CSNK2A2: variants seen among roughly 807,000 people sequenced by gnomAD.
CSNK2A2 encodes casein kinase II subunit alpha'.
A neutral mutation model predicts 54.0 loss-of-function variants in CSNK2A2; 8 were observed. That is an observed-to-expected ratio of 0.15 (90% CI 0.09 to 0.27). The LOEUF (loss-of-function observed/expected upper bound fraction) is 0.27, where lower values mean the gene tolerates loss of function less well. Ranked by LOEUF, CSNK2A2 falls within the 10% of genes least tolerant of loss-of-function variation. The probability of loss-of-function intolerance (pLI) is 1.00; values close to 1 mark genes in which losing one functional copy is unlikely to be tolerated. For missense variants in CSNK2A2, 242 were observed against 439.4 expected (o/e 0.55, Z 4.02); for synonymous variants, 141 against 153.9 (o/e 0.92, Z 0.62).
At chr16:58,175,041 A>C (rs1260902243) in intron 4 of CSNK2A2, among the ~76,000 whole-genome samples, 1 of 152,218 alleles carries the variant, frequency 6.6e-6, no homozygotes, top group Non-Finnish European at 1.5e-5. Context: ...GCAAGAGCTT[A>C]CAAAAAAATC....
chr16:58,167,153 T>C, intron 8 of CSNK2A2, 54 bp downstream of exon 8: 3 of 1,246,010 alleles, frequency 2.4e-6, no homozygotes, highest in Admixed American at 1.9e-5. Context: ...CTAAGGATGC[T>C]ATTTTTTTGG....
chr16:58,167,572 G>A (rs1164768037), intron 7 of CSNK2A2, 113 bp downstream of exon 7: 2 of 804,736 alleles, frequency 2.5e-6, no homozygotes, highest in African/African-American at 3.5e-5. Context: ...CAGCATTTTA[G>A]GGTGAAATAA....
chr16:58,188,606 T>C (rs947251521), intron 2 of CSNK2A2, among the ~76,000 whole-genome samples: 3 of 152,214 alleles, frequency 2.0e-5, no homozygotes, highest in African/African-American at 7.2e-5. Flanking sequence ...CTGGCAAATG[T>C]GAATGAGAGC....
chr16:58,192,158 G>C (rs1479087858), intron 2 of CSNK2A2, among the ~76,000 whole-genome samples: 1 of 152,080 alleles, frequency 6.6e-6, no homozygotes, highest in Non-Finnish European at 1.5e-5. Flanking sequence ...CAGTCAAGTG[G>C]GTATCAATGA....
intron 5 of CSNK2A2, 60 bp from the exon 6 acceptor site, chr16:58,168,753 G>A: frequency 6.9e-6 from 9 of 1,300,492 alleles, no homozygotes; most frequent in African/African-American, 1.5e-5. Context: ...CCCAACGCAA[G>A]CATAGTCTTA....
At chr16:58,196,934 G>A (rs1962469764) in intron 1 of CSNK2A2, 90 bp from the exon 2 acceptor site, 3 of 824,774 alleles carry the variant, frequency 3.6e-6, no homozygotes, top group Non-Finnish European at 2.2e-6. Flanking sequence ...GCTTCCACCA[G>A]GCAAACACTT....
In CSNK2A2 at chr16:58,184,122, T is replaced by C. The variant is rs1962133756; in HGVS notation, c.369+138A>G. ...AGCCACTTTCTGCATCCTGCACTCA[T>C]GCCTTAAGGAACCCAATTTGTTATT... On this transcript the variant is annotated intron_variant, in intron 4 of 11. Transcript: ENST00000262506. The C allele has an allele frequency of 2.0e-5, 13 of 637,296 alleles. 1 individual carries two copies. The South Asian group carries it at 2.6e-4, about 13-fold the overall frequency. The allele number at this position is 637,296 out of a possible 1,614,324, so 39.5% of individuals were successfully genotyped here.
chr16:58,175,842 G>A (rs1027303759), intron 4 of CSNK2A2, among the ~76,000 whole-genome samples: 5 of 152,176 alleles, frequency 3.3e-5, no homozygotes, highest in African/African-American at 7.2e-5. Context: ...CGCAGGGAAC[G>A]AAATGCACAG....
chr16:58,186,359 TATTC>T lies in CSNK2A2; in HGVS notation c.318+392_318+395del, dbSNP rs1368370685. 3.9e-5 allele frequency among the ~76,000 whole-genome samples: 6 copies of T among 152,256 alleles called. No homozygotes were observed. In the East Asian group the frequency reaches 1.2e-3, roughly 29 times the overall value. ...TTTATGCCAGGTGTCCACGTGGAGA[TATTC>T]ATTCTTTCCTTGTGTAAACCCAGAT... On this transcript the variant is annotated intron_variant, in intron 3 of 11. Coordinates refer to ENST00000262506, the MANE Select transcript of CSNK2A2 (RefSeq NM_001896.4).
At chr16:58,168,544 T>C in intron 6 of CSNK2A2, 66 bp downstream of exon 6, 1 of 1,379,102 alleles carries the variant, frequency 7.3e-7, no homozygotes, top group South Asian at 1.2e-5. Context: ...ATCATGGCAC[T>C]GGACAGCTTT....
chr16:58,162,170 CTGA>C (rs1961400373), intron 11 of CSNK2A2: 1 of 152,204 alleles, frequency 6.6e-6, no homozygotes, highest in South Asian at 2.1e-4. Context: ...GCACATCTCC[CTGA>C]TGATAACCAA....
intron 5 of CSNK2A2, among the ~76,000 whole-genome samples, chr16:58,170,405 T>C (rs1961701845): frequency 6.6e-6 from 1 of 152,120 alleles, no homozygotes; most frequent in African/African-American, 2.4e-5. Flanking sequence ...TTCATCCAAG[T>C]TGTTTTTCCT....
At chr16:58,193,282 T>C (rs1962359551) in intron 2 of CSNK2A2, among the ~76,000 whole-genome samples, 1 of 152,244 alleles carries the variant, frequency 6.6e-6, no homozygotes, top group South Asian at 2.1e-4. Context: ...ATGAAGCTAC[T>C]AACAAAGATG....
chr16:58,169,277 T>C (rs1597111672), intron 5 of CSNK2A2, among the ~76,000 whole-genome samples: 4 of 151,442 alleles, frequency 2.6e-5, no homozygotes, highest in East Asian at 2.0e-4. Flanking sequence ...CAGTGACTCA[T>C]GCCTGTAATC....
intron 2 of CSNK2A2, among the ~76,000 whole-genome samples, chr16:58,191,781 C>T (rs1180269769): frequency 6.6e-6 from 1 of 152,188 alleles, no homozygotes; most frequent in African/African-American, 2.4e-5. Flanking sequence ...TCTAACATCA[C>T]TCGCATGACC....
rs532077114 is a variant in CSNK2A2 at position 58,167,666 on chromosome 16, G to A, written c.624+19C>T. ...AAGCAAGTATAAATAACCCAGAATA[G>A]CTCTGCTAACAAGTTTACCTGATAG... On this transcript the variant is annotated intron_variant, in intron 7 of 11. Transcript: ENST00000262506. 3.2e-6 allele frequency: 5 copies of A among 1,569,628 alleles called. No homozygotes were observed. Among genetic ancestry groups the A allele is most frequent in the Non-Finnish European group, 8.8e-7 (1 of 1,139,620 alleles).
At position 58,173,348 on chromosome 16, in the gene CSNK2A2, G is replaced by A. The variant is rs373126328; in HGVS notation, c.429+1103C>T. Among the ~76,000 whole-genome samples the A allele has an allele frequency of 2.6e-5, 4 of 152,060 alleles. No individual in the cohort carries two copies. In the East Asian group the frequency reaches 7.7e-4, roughly 29 times the overall value. Reference sequence around the variant, plus strand: ...CTTATAAAAACACATTCATTTCATAGAACTGTTCTTAAGATCTACAACTAC... The same window carrying A: ...CTTATAAAAACACATTCATTTCATAAAACTGTTCTTAAGATCTACAACTAC... On this transcript the variant is annotated intron_variant, in intron 5 of 11. Transcript: ENST00000262506.
intron 11 of CSNK2A2, chr16:58,159,031 C>T (rs568139910): frequency 6.6e-6 from 1 of 152,238 alleles, no homozygotes; most frequent in Non-Finnish European, 1.5e-5. Context: ...GTCACACACA[C>T]AAAATCATTT....
intron 4 of CSNK2A2, among the ~76,000 whole-genome samples, chr16:58,183,643 C>A (rs1962121484): frequency 6.6e-6 from 1 of 151,928 alleles, no homozygotes; most frequent in South Asian, 2.1e-4. Flanking sequence ...GTATGCCTAA[C>A]CCCAAAAACC....
Sources: gnomAD v4.1 joint callset for allele counts (sites outside exome capture counted in the v4.1 genomes callset) on GRCh38, gnomAD v4.1.1 for gene constraint, MANE v1.5 for transcripts, NCBI Gene and HGNC (gene_info 2026-07-23, HGNC 2026-07-21) for gene names.